ALDH3A2: variants seen among roughly 807,000 people sequenced by gnomAD.
ALDH3A2 encodes aldehyde dehydrogenase family 3 member A2.
Under a neutral mutation model 51.3 loss-of-function variants are expected in ALDH3A2, and 36 were observed. That is an observed-to-expected ratio of 0.70 (90% CI 0.54 to 0.93). The LOEUF is 0.93. Among genes scored for constraint, ALDH3A2 ranks in the 40% least tolerant of loss-of-function variants. The probability of loss-of-function intolerance (pLI) is 0.00; values close to 1 mark genes in which losing one functional copy is unlikely to be tolerated. For missense variants in ALDH3A2, 552 were observed against 603.1 expected (o/e 0.92, Z 0.89); for synonymous variants, 199 against 219.8 (o/e 0.91, Z 0.84).
rs772689103 is a variant in ALDH3A2 at position 19,654,544 on chromosome 17, C to A, written c.472-1822C>A. Among the ~76,000 whole-genome samples the A allele has an allele frequency of 6.6e-6, 1 of 152,182 alleles. No homozygotes were observed. The highest frequency in any genetic ancestry group is 1.5e-5 in the Non-Finnish European group (1 of 68,002). ...GCTGGGGGACCCGGGGCACCCTCCTCAGCAGCTGGCCCAGGTGCTAAGCCC... is the reference window on the plus strand; with the variant it reads ...GCTGGGGGACCCGGGGCACCCTCCTAAGCAGCTGGCCCAGGTGCTAAGCCC... On this transcript the variant is annotated intron_variant, in intron 3 of 9. Transcript: ENST00000176643. The surrounding 1 kb of genome is among the most constrained non-coding windows in gnomAD (Gnocchi z 4.5).
chr17:19,659,213 G>A (rs982183766), intron 5 of ALDH3A2, among the ~76,000 whole-genome samples: 11 of 151,818 alleles, frequency 7.2e-5, no homozygotes, highest in Non-Finnish European at 1.3e-4. Flanking sequence ...CCTGGGTAAC[G>A]GAATGAGATT....
At chr17:19,668,260 T>C (rs1375384369) in intron 8 of ALDH3A2, among the ~76,000 whole-genome samples, 2 of 152,152 alleles carry the variant, frequency 1.3e-5, no homozygotes, top group African/African-American at 4.8e-5. Flanking sequence ...AGCGTTTATT[T>C]ATTTAGAGAC....
rs779837269 is a variant in ALDH3A2 at position 19,651,669 on chromosome 17, G to T, written c.276G>T (p.Leu92=). The change falls in exon 2 of 10, where the codon CTG becomes CTT. Residue 92 remains leucine, a synonymous_variant. Transcript: ENST00000176643. The part of the protein sequence containing the change: ...KPVKKNVLTM[L]DEAYIQPQPL... The stretch of plus-strand genomic sequence containing the variant: ...TTAAGAAGAACGTGCTCACCATGCT[G>T]GATGAGGCCTATATTCAGCCACAGC... The T allele has an allele frequency of 5.6e-6, 9 of 1,614,220 alleles. No homozygotes were observed. Among genetic ancestry groups the T allele is most frequent in the Non-Finnish European group, 7.6e-6 (9 of 1,180,040 alleles).
In ALDH3A2 at chr17:19,667,118, C is replaced by A. The variant is rs150078196; in HGVS notation, c.1207+2071C>A. 1.8e-4 allele frequency among the ~76,000 whole-genome samples: 27 copies of A among 152,276 alleles called. No individual in the cohort carries two copies. In the East Asian group the frequency reaches 3.7e-3, roughly 21 times the overall value. On this transcript the variant is annotated intron_variant, in intron 8 of 9. Transcript: ENST00000176643. ...AGATAACTGGTATATGTCTTGCACACATATGCACACACATATACACGGTCA... is the reference window on the plus strand; with the variant it reads ...AGATAACTGGTATATGTCTTGCACAAATATGCACACACATATACACGGTCA...
At chr17:19,666,394 C>T (rs574574348) in intron 8 of ALDH3A2, among the ~76,000 whole-genome samples, 1 of 152,290 alleles carries the variant, frequency 6.6e-6, no homozygotes, top group South Asian at 2.1e-4. Context: ...CTCCACTGCC[C>T]TCTAATTGCA....
At chr17:19,653,461 C>G (rs964129752) in intron 3 of ALDH3A2, among the ~76,000 whole-genome samples, 2 of 152,138 alleles carry the variant, frequency 1.3e-5, no homozygotes, top group African/African-American at 4.8e-5. Flanking sequence ...TTCTGATGTT[C>G]GGACATGTTC....
rs528468655 is a variant in ALDH3A2 at position 19,652,750 on chromosome 17, T to A, written c.471+118T>A. The A allele has an allele frequency of 4.2e-5, 36 of 864,534 alleles. 1 individual carries two copies. The South Asian group carries it at 4.4e-4, about 11-fold the overall frequency. 53.6% of individuals were successfully genotyped at this position (864,534 alleles called of 1,614,324 possible). On this transcript the variant is annotated intron_variant, in intron 3 of 9. Transcript: ENST00000176643. Reference sequence around the variant, plus strand: ...GACCCAATTGCAGTCTCTTTAAGCCTTCAACAGTTGGCTTAGCAAAAGAAG... The same window carrying A: ...GACCCAATTGCAGTCTCTTTAAGCCATCAACAGTTGGCTTAGCAAAAGAAG...
chr17:19,669,796 G>A (rs890033846), intron 8 of ALDH3A2, among the ~76,000 whole-genome samples: 1 of 151,990 alleles, frequency 6.6e-6, no homozygotes. Flanking sequence ...CACCATGCCT[G>A]GCTAATTAAA....
chr17:19,653,114 G>A (rs1002627053), intron 3 of ALDH3A2, among the ~76,000 whole-genome samples: 5 of 148,762 alleles, frequency 3.4e-5, no homozygotes, highest in Non-Finnish European at 7.4e-5. Context: ...GTGTGATCTC[G>A]GCTCACTGCA....
intron 9 of ALDH3A2, chr17:19,674,386 CAG>C (rs1236533060): frequency 1.3e-5 from 2 of 152,204 alleles, no homozygotes; most frequent in East Asian, 3.9e-4. Flanking sequence ...AGGTGCAGTG[CAG>C]TGTGCCAGGC....
chr17:19,669,142 CA>C (rs1002602248), intron 8 of ALDH3A2, among the ~76,000 whole-genome samples: 39 of 142,064 alleles, frequency 2.7e-4, no homozygotes, highest in Non-Finnish European at 3.3e-4. Flanking sequence ...ACAAAAAATA[CA>C]AAAAAAAAAA....
intron 4 of ALDH3A2, among the ~76,000 whole-genome samples, chr17:19,657,082 A>G (rs1168314049): frequency 1.3e-5 from 2 of 152,234 alleles, no homozygotes. Context: ...CGGTTTAGCT[A>G]CTAAGAAGTG....
intron 2 of ALDH3A2, among the ~76,000 whole-genome samples, chr17:19,652,249 T>A (rs888522517): frequency 7.2e-5 from 11 of 152,118 alleles, no homozygotes; most frequent in African/African-American, 2.7e-4. Flanking sequence ...ACTTGCCCAA[T>A]AATTCCAGGG....
Position 19,656,423 on chromosome 17 carries a change from C to A in ALDH3A2, c.529C>A (p.Arg177=), listed in dbSNP as rs72547561. The change falls in exon 4 of 10, where the codon CGA becomes AGA. Residue 177 remains arginine, a synonymous_variant. Transcript: ENST00000176643. ...GGAAACCACGGAGCTCCTGAAGCAGCGATTTGACCACATTTTCTATACGGG... is the reference window on the plus strand; with the variant it reads ...GGAAACCACGGAGCTCCTGAAGCAGAGATTTGACCACATTTTCTATACGGG... The part of the protein sequence containing the change: ...VEETTELLKQ[R]FDHIFYTGNT... 13 of 1,614,140 alleles carry A rather than the reference C, an allele frequency of 8.1e-6. No individual in the cohort carries two copies. Among genetic ancestry groups the A allele is most frequent in the South Asian group, 1.1e-5 (1 of 91,084 alleles).
In ALDH3A2 at chr17:19,671,707, T is replaced by C. The variant is rs753986452; in HGVS notation, c.1208-14T>C. 1.2e-6 allele frequency: 2 copies of C among 1,606,408 alleles called. No homozygotes were observed. Among genetic ancestry groups the C allele is most frequent in the Non-Finnish European group, 1.7e-6 (2 of 1,173,064 alleles). ...CTACAGTGAAGCTTGTTTTGTCTGT[T>C]CCCTTTATTTCAGGTTCCAGTGGGA... On this transcript the variant is annotated splice_polypyrimidine_tract_variant and intron_variant, in intron 8 of 9. Transcript: ENST00000176643.
chr17:19,654,435 G>A lies in ALDH3A2; in HGVS notation c.471+1803G>A, dbSNP rs771785146. On this transcript the variant is annotated intron_variant, in intron 3 of 9. Transcript: ENST00000176643. The surrounding 1 kb of genome is among the most constrained non-coding windows in gnomAD (Gnocchi z 4.5). Reference sequence around the variant, plus strand: ...GCGGGGTGGGGGCCTTGGGCATGGCGGGCTGCAGGTCCCGAGCCCTGCCCT... The same window carrying A: ...GCGGGGTGGGGGCCTTGGGCATGGCAGGCTGCAGGTCCCGAGCCCTGCCCT... Among the ~76,000 whole-genome samples, 1 of 152,228 alleles carries A rather than the reference G, an allele frequency of 6.6e-6. No homozygotes were observed. Among genetic ancestry groups the A allele is most frequent in the Admixed American group, 6.5e-5 (1 of 15,288 alleles).
At chr17:19,655,994 C>T (rs1344210604) in intron 3 of ALDH3A2, among the ~76,000 whole-genome samples, 1 of 152,266 alleles carries the variant, frequency 6.6e-6, no homozygotes, top group Non-Finnish European at 1.5e-5. Flanking sequence ...AACATTCAGA[C>T]TAAGACATGC....
At chr17:19,655,079 AT>A (rs1413051975) in intron 3 of ALDH3A2, among the ~76,000 whole-genome samples, 1 of 152,222 alleles carries the variant, frequency 6.6e-6, no homozygotes, top group Non-Finnish European at 1.5e-5. Flanking sequence ...AGAGGTTCTT[AT>A]GCCTTCCTGG....
At chr17:19,659,978 T>C (rs1039762254) in intron 5 of ALDH3A2, among the ~76,000 whole-genome samples, 1 of 151,986 alleles carries the variant, frequency 6.6e-6, no homozygotes, top group Non-Finnish European at 1.5e-5. Context: ...TTTTTAGTCA[T>C]AGGACTAAAA....
Sources: gnomAD v4.1 joint callset for allele counts (sites outside exome capture counted in the v4.1 genomes callset) on GRCh38, gnomAD v4.1.1 for gene constraint, Gnocchi (gnomAD v3.1) non-coding constraint, MANE v1.5 for transcripts, NCBI Gene and HGNC (gene_info 2026-07-23, HGNC 2026-07-21) for gene names.